RBM17: variants seen among roughly 807,000 people sequenced by gnomAD.
RBM17 encodes RNA binding motif protein 17.
A neutral mutation model predicts 53.2 loss-of-function variants in RBM17; 7 were observed. The ratio of observed to expected loss-of-function variants is 0.13; its 90% CI spans 0.07 to 0.25. RBM17 has a LOEUF of 0.25. Among genes scored for constraint, RBM17 ranks in the 10% least tolerant of loss-of-function variants. The probability of loss-of-function intolerance (pLI) is 1.00; values close to 1 mark genes in which losing one functional copy is unlikely to be tolerated. For synonymous variants in RBM17, 167 were observed against 178.1 expected (o/e 0.94, Z 0.50); for missense variants, 257 against 496.7 (o/e 0.52, Z 4.59).
rs898514901 is a variant in RBM17, at chr10:6,112,689, G to C, written c.856+328G>C. The C allele has an allele frequency of 2.6e-6, 1 of 380,672 alleles. No homozygotes were observed. Among genetic ancestry groups the C allele is most frequent in the African/African-American group, 2.1e-5 (1 of 47,848 alleles). 23.6% of individuals were successfully genotyped at this position (380,672 alleles called of 1,614,324 possible). On this transcript the variant is annotated intron_variant, in intron 8 of 11. Transcript: ENST00000379888. This position sits in a 1 kb window ranked among gnomAD's most constrained non-coding sequence, Gnocchi z 4.4. ...GGAAGAAATCTTGGTTATGTGTTTA[G>C]AGCATGAAGGACAGAGCCATATAGT... is the stretch of plus-strand genomic sequence containing the variant.
intron 6 of RBM17, among the ~76,000 whole-genome samples, chr10:6,108,976 CTT>C (rs1163825469): frequency 1.3e-5 from 2 of 152,264 alleles, no homozygotes; most frequent in South Asian, 4.1e-4. Context: ...GGATCCATCT[CTT>C]TTTTATGCAA....
intron 10 of RBM17, 117 bp from the exon 11 acceptor site, chr10:6,115,122 T>C (rs1840895466): frequency 1.3e-6 from 1 of 780,538 alleles, no homozygotes; most frequent in Non-Finnish European, 2.1e-6. Flanking sequence ...ATTTGACAAC[T>C]ACTTGACTGT....
At chr10:6,106,005 A>G in intron 4 of RBM17, 136 bp from the exon 5 acceptor site, 1 of 596,864 alleles carries the variant, frequency 1.7e-6, no homozygotes, top group Non-Finnish European at 3.1e-6. Context: ...TATGCTTCCT[A>G]CCCCCTCTAC....
intron 2 of RBM17, among the ~76,000 whole-genome samples, chr10:6,099,187 A>T (rs1840631932): frequency 1.3e-5 from 2 of 152,032 alleles, no homozygotes; most frequent in African/African-American, 2.4e-5. Context: ...GCCCGGCCTC[A>T]TATAGATTTT....
chr10:6,101,137 C>A, intron 2 of RBM17, 134 bp from the exon 3 acceptor site: 1 of 476,380 alleles, frequency 2.1e-6, no homozygotes. Flanking sequence ...AATTAAAAGG[C>A]TGTTGTTTTG....
At position 6,105,073 on chromosome 10, in the gene RBM17, A is replaced by C; in HGVS notation, c.383A>C (p.Gln128Pro). 1 of 1,613,838 alleles carries C rather than the reference A, an allele frequency of 6.2e-7. No individual in the cohort carries two copies. The highest frequency in any genetic ancestry group is 8.5e-7 in the Non-Finnish European group (1 of 1,179,830). ...CAGAGACAGCGGGAGCTGGAAAGAC[A>C]AAAGGAAATAGAAGAAAGGGAAAAG... ...ERQRQRELER[Q>P]KEIEEREKRR... The change falls in exon 4 of 12, where the codon CAA becomes CCA. Residue 128 changes from glutamine to proline, a missense_variant. Gln to Pro is a moderately conservative substitution (Grantham distance 76). Around this residue, in one of 6 missense-constraint regions of RBM17, gnomAD observed 127 missense variants for 217.2 expected, o/e 0.58. Coordinates refer to ENST00000379888, the MANE Select transcript of RBM17 (RefSeq NM_032905.5).
rs896343962 is a variant in RBM17 at position 6,089,786 on chromosome 10, C to G, written c.-19+593C>G. 2.6e-5 allele frequency: 4 copies of G among 152,404 alleles called. No homozygotes were observed. Among genetic ancestry groups the G allele is most frequent in the Non-Finnish European group, 2.9e-5 (2 of 68,094 alleles). The allele number at this position is 152,404 out of a possible 1,614,324, so 9.4% of individuals were successfully genotyped here. Reference sequence around the variant, plus strand: ...CCCAGGCAGTCTTTGAGCTTCGCCTCTTGCCCCGAGAATGTGTAATGATCG... The same window carrying G: ...CCCAGGCAGTCTTTGAGCTTCGCCTGTTGCCCCGAGAATGTGTAATGATCG... On this transcript the variant is annotated intron_variant, in intron 1 of 11. Transcript: ENST00000379888. The surrounding 1 kb of genome is among the most constrained non-coding windows in gnomAD (Gnocchi z 5.6).
At chr10:6,099,316 T>G (rs974625443) in intron 2 of RBM17, among the ~76,000 whole-genome samples, 16 of 152,118 alleles carry the variant, frequency 1.1e-4, no homozygotes, top group Non-Finnish European at 2.1e-4. Flanking sequence ...TGCATTCTCT[T>G]AGGCTGTTTA....
chr10:6,112,503 A>G lies in RBM17; in HGVS notation c.856+142A>G, dbSNP rs1483814211. 12 of 973,984 alleles carry G rather than the reference A, an allele frequency of 1.2e-5. No individual in the cohort carries two copies. The highest frequency in any genetic ancestry group is 2.1e-5 in the Admixed American group (1 of 48,706). The allele number at this position is 973,984 out of a possible 1,614,324, so 60.3% of individuals were successfully genotyped here. A position where few individuals can be genotyped will look rare whatever the true frequency, so the allele number is the denominator to read the frequency against. On this transcript the variant is annotated intron_variant, in intron 8 of 11. Transcript: ENST00000379888. The surrounding 1 kb of genome is among the most constrained non-coding windows in gnomAD (Gnocchi z 4.4). ...GGAGAGGGCTGGCCCTGCCATCACT[A>G]GAACACAGGCCGTCCTGTTCATATG...
intron 3 of RBM17, 31 bp downstream of exon 3, chr10:6,101,418 C>G (rs377378812): frequency 5.7e-6 from 8 of 1,395,064 alleles, no homozygotes; most frequent in African/African-American, 1.4e-5. Flanking sequence ...GAGCTTGATA[C>G]GTGTCTCTGT....
chr10:6,096,239 G>A (rs1004004794), intron 1 of RBM17, among the ~76,000 whole-genome samples: 1 of 152,106 alleles, frequency 6.6e-6, no homozygotes, highest in Non-Finnish European at 1.5e-5. Flanking sequence ...AGTTGGCCTG[G>A]CTGGGTTGGA....
chr10:6,091,381 A>G (rs901972569), intron 1 of RBM17, among the ~76,000 whole-genome samples: 9 of 151,856 alleles, frequency 5.9e-5, no homozygotes, highest in African/African-American at 2.2e-4. Flanking sequence ...TTAGGCTTCA[A>G]AGAGGCATGC....
At chr10:6,090,890 T>G (rs1840471377) in intron 1 of RBM17, among the ~76,000 whole-genome samples, 1 of 150,982 alleles carries the variant, frequency 6.6e-6, no homozygotes, top group African/African-American at 2.4e-5. Flanking sequence ...AAAGTCATGG[T>G]AGATCTTATA....
Position 6,089,775 on chromosome 10 carries a change from G to C in RBM17, c.-19+582G>C, listed in dbSNP as rs1445192141. ...TCACGTCCGACCCCAGGCAGTCTTT[G>C]AGCTTCGCCTCTTGCCCCGAGAATG... On this transcript the variant is annotated intron_variant, in intron 1 of 11. Coordinates refer to ENST00000379888, the MANE Select transcript of RBM17 (RefSeq NM_032905.5). This position sits in a 1 kb window ranked among gnomAD's most constrained non-coding sequence, Gnocchi z 5.6. The C allele has an allele frequency of 6.6e-6, 1 of 152,428 alleles. No individual in the cohort carries two copies. Among genetic ancestry groups the C allele is most frequent in the African/African-American group, 2.4e-5 (1 of 41,460 alleles). 9.4% of individuals were successfully genotyped at this position (152,428 alleles called of 1,614,324 possible).
At chr10:6,092,356 G>C (rs1455827751) in intron 1 of RBM17, among the ~76,000 whole-genome samples, 1 of 152,172 alleles carries the variant, frequency 6.6e-6, no homozygotes, top group Non-Finnish European at 1.5e-5. Context: ...AGTAGTTGCG[G>C]TGGGGAGAAT....
chr10:6,096,548 C>T (rs1840577828), intron 1 of RBM17, among the ~76,000 whole-genome samples: 1 of 152,100 alleles, frequency 6.6e-6, no homozygotes, highest in Non-Finnish European at 1.5e-5. Context: ...GTCTACTCCC[C>T]CCTTGATAAT....
At chr10:6,103,506 A>AT (rs1274170099) in intron 3 of RBM17, among the ~76,000 whole-genome samples, 1 of 152,102 alleles carries the variant, frequency 6.6e-6, no homozygotes, top group Non-Finnish European at 1.5e-5. Flanking sequence ...GCTGGTTGTC[A>AT]TTTTCTCTCT....
In RBM17 at chr10:6,089,373, C is replaced by T. The variant is rs960694474; in HGVS notation, c.-19+180C>T. 5.2e-4 allele frequency: 79 copies of T among 152,422 alleles called. No individual in the cohort carries two copies. Among genetic ancestry groups the T allele is most frequent in the African/African-American group, 1.8e-3 (74 of 41,446 alleles). The allele number at this position is 152,422 out of a possible 1,614,324, so 9.4% of individuals were successfully genotyped here. A position where few individuals can be genotyped will look rare whatever the true frequency, so the allele number is the denominator to read the frequency against. ...TCCCCGCGGCGGGCGCTGGTCTCTC[C>T]ACGCGGCTGCGGCCCGGTACCCTCC... On this transcript the variant is annotated intron_variant, in intron 1 of 11. Transcript: ENST00000379888. This position sits in a 1 kb window ranked among gnomAD's most constrained non-coding sequence, Gnocchi z 5.6.
intron 7 of RBM17, among the ~76,000 whole-genome samples, chr10:6,110,474 C>T (rs971697428): frequency 1.3e-5 from 2 of 152,202 alleles, no homozygotes; most frequent in African/African-American, 4.8e-5. Flanking sequence ...GCAGGTGATA[C>T]CTTTTTTTTC....
Sources: allele counts gnomAD v4.1 joint callset (sites outside exome capture counted in the v4.1 genomes callset), GRCh38; gene constraint gnomAD v4.1.1; regional missense constraint gnomAD v4.1.1; non-coding constraint Gnocchi (gnomAD v3.1); transcripts MANE v1.5; gene names NCBI Gene and HGNC (gene_info 2026-07-23, HGNC 2026-07-21).